ZNF718: variants seen among roughly 807,000 people sequenced by gnomAD.
ZNF718 encodes zinc finger protein 718.
In ZNF718, 3 loss-of-function variants were observed where a neutral mutation model predicts 2.6. That is an observed-to-expected ratio of 1.16 (90% CI 0.53 to 3.01). ZNF718 has a LOEUF of 3.01. Among genes scored for constraint, ZNF718 ranks in the 30% most tolerant of loss-of-function variants. The pLI is 0.03. For synonymous variants in ZNF718, 135 were observed against 77.9 expected (o/e 1.73, Z -3.86); for missense variants, 468 against 230.0 (o/e 2.03, Z -6.69).
In ZNF718 at chr4:130,826, TC is replaced by T; in HGVS notation, c.44del (p.Pro15GlnfsTer18). The T allele has an allele frequency of 2.5e-6, 1 of 395,288 alleles. No homozygotes were observed. Among genetic ancestry groups the T allele is most frequent in the South Asian group, 3.8e-5 (1 of 26,212 alleles). 24.5% of individuals were successfully genotyped at this position (395,288 alleles called of 1,614,324 possible). Reference protein sequence around the residue: ...TFKDVAIEFSPEEWKCLDTSQ... With the variant: ...TFKDVAIEFSXEEWKCLDTSQ... The stretch of plus-strand genomic sequence containing the variant: ...TCAAGGATGTGGCCATAGAATTCTC[TC>T]CAGAAGAGTGGAAATGTCTGGACAC... On this transcript the variant is annotated frameshift_variant, in exon 2 of 4. Coordinates refer to ENST00000510175, the MANE Select transcript of ZNF718 (RefSeq NM_001039127.6). LOFTEE classifies it high-confidence loss of function.
In ZNF718 at chr4:131,707, T is replaced by C. The variant is rs1715352613; in HGVS notation, c.226+202T>C. On this transcript the variant is annotated intron_variant, in intron 3 of 3. Coordinates refer to ENST00000510175, the MANE Select transcript of ZNF718 (RefSeq NM_001039127.6). ...AGCCAACATAGTGAAACCCCGTCTCTACTAAAAATACAAAAATTAGCCGGG... is the reference window on the plus strand; with the variant it reads ...AGCCAACATAGTGAAACCCCGTCTCCACTAAAAATACAAAAATTAGCCGGG... 1.9e-5 allele frequency among the ~76,000 whole-genome samples: 2 copies of C among 103,230 alleles called. 1 individual carries two copies. Among genetic ancestry groups the C allele is most frequent in the Non-Finnish European group, 4.3e-5 (2 of 46,368 alleles). The allele number at this position is 103,230 out of a possible 152,430, so 67.7% of individuals were successfully genotyped here.
rs1442603728 is a variant in ZNF718 at position 128,909 on chromosome 4, T to C, written c.4-1879T>C. On this transcript the variant is annotated intron_variant, in intron 1 of 3. Coordinates refer to ENST00000510175, the MANE Select transcript of ZNF718 (RefSeq NM_001039127.6). ...AATTGCTTCTATTTCATATGATCAT[T>C]AGAAAAAGACATAAAGCAGTCATGG... Among the ~76,000 whole-genome samples, 6 of 104,604 alleles carry C rather than the reference T, an allele frequency of 5.7e-5. 1 individual carries two copies. Among genetic ancestry groups the C allele is most frequent in the African/African-American group, 1.7e-4 (5 of 30,130 alleles). 68.6% of individuals were successfully genotyped at this position (104,604 alleles called of 152,430 possible). A position where few individuals can be genotyped will look rare whatever the true frequency, so the allele number is the denominator to read the frequency against.
intron 1 of ZNF718, chr4:125,005 C>T (rs1183758335): frequency 3.7e-6 from 1 of 273,916 alleles, no homozygotes; most frequent in Non-Finnish European, 7.1e-6. Context: ...TTACCCTGTT[C>T]AGAATGAGAT....
intron 3 of ZNF718, among the ~76,000 whole-genome samples, chr4:182,566 T>C (rs1398505059): frequency 6.6e-6 from 1 of 152,044 alleles, no homozygotes; most frequent in Non-Finnish European, 1.5e-5. Flanking sequence ...TCTGAGTAGC[T>C]GGGATCACAA....
At chr4:144,867 A>C (rs558119110) in intron 3 of ZNF718, among the ~76,000 whole-genome samples, 3 of 152,304 alleles carry the variant, frequency 2.0e-5, no homozygotes, top group African/African-American at 2.4e-5. Context: ...TAAATGTATG[A>C]GTTCTAATGG....
At chr4:144,183 G>C (rs1201243365) in intron 3 of ZNF718, among the ~76,000 whole-genome samples, 2 of 152,108 alleles carry the variant, frequency 1.3e-5, no homozygotes, top group African/African-American at 4.8e-5. Flanking sequence ...CCTATGCTCG[G>C]GCCCGCACTG....
Position 161,315 on chromosome 4 carries a change from G to A in ZNF718, c.630G>A (p.Trp210Ter), listed in dbSNP as rs1553815045. The A allele has an allele frequency of 1.3e-6, 1 of 780,902 alleles. No individual in the cohort carries two copies. Among genetic ancestry groups the A allele is most frequent in the African/African-American group, 1.7e-5 (1 of 59,014 alleles). The allele number at this position is 780,902 out of a possible 1,614,324, so 48.4% of individuals were successfully genotyped here. A position where few individuals can be genotyped will look rare whatever the true frequency, so the allele number is the denominator to read the frequency against. ...AAGAATGTGGCAAAGCCTTTAATTGGTCCTCAATTCTTACTAAACATAAGA... is the reference window on the plus strand; with the variant it reads ...AAGAATGTGGCAAAGCCTTTAATTGATCCTCAATTCTTACTAAACATAAGA... ...TCEECGKAFNWSSILTKHKRI... is the reference protein window; with the variant it reads ...TCEECGKAFN Residue 210 changes from tryptophan (W) to a stop codon, truncating the protein, a stop_gained, in exon 4 of 4, where the codon TGG becomes TGA. Transcript: ENST00000510175. LOFTEE classifies it low-confidence loss of function (END_TRUNC).
chr4:156,885 G>A (rs6830247), intron 3 of ZNF718, among the ~76,000 whole-genome samples: 29,939 of 151,954 alleles, frequency 0.2, 3,170 homozygotes, highest in Admixed American at 0.26. Context: ...TTCAGTAACA[G>A]TGCTGCAATA....
chr4:128,116 G>A (rs1392311745), intron 1 of ZNF718, among the ~76,000 whole-genome samples: 1 of 104,426 alleles, frequency 9.6e-6, no homozygotes, highest in African/African-American at 3.3e-5. Flanking sequence ...AGAATGTAGA[G>A]GCACATTGAT....
At chr4:171,736 G>A (rs568603999) in intron 3 of ZNF718, among the ~76,000 whole-genome samples, 16 of 152,286 alleles carry the variant, frequency 1.1e-4, no homozygotes, top group South Asian at 6.2e-4. Context: ...TCCAGGTGCC[G>A]TCTGTCATCC....
rs1417618493 is a variant in ZNF718, at chr4:127,820, A to G, written c.4-2968A>G. ...CACACCCAATAGCTTAACAATGTAT[A>G]TAACCAATCACTAACCAATGTTACT... On this transcript the variant is annotated intron_variant, in intron 1 of 3. Coordinates refer to ENST00000510175, the MANE Select transcript of ZNF718 (RefSeq NM_001039127.6). 1.9e-5 allele frequency among the ~76,000 whole-genome samples: 2 copies of G among 104,766 alleles called. 1 individual carries two copies. Among genetic ancestry groups the G allele is most frequent in the Non-Finnish European group, 4.3e-5 (2 of 46,810 alleles). The allele number at this position is 104,766 out of a possible 152,430, so 68.7% of individuals were successfully genotyped here.
At chr4:179,908 T>C (rs782211706) in intron 3 of ZNF718, among the ~76,000 whole-genome samples, 1 of 152,182 alleles carries the variant, frequency 6.6e-6, no homozygotes, top group Non-Finnish European at 1.5e-5. Context: ...AAATAAAACA[T>C]CATATATGTT....
At chr4:200,391 C>T (rs1378585975) in intron 3 of ZNF718, among the ~76,000 whole-genome samples, 10 of 152,152 alleles carry the variant, frequency 6.6e-5, no homozygotes, top group African/African-American at 2.4e-4. Flanking sequence ...GCCTCAGCCT[C>T]CCAAGTAGCT....
At chr4:201,440 T>C (rs1553822769) in intron 4 of ZNF718, 1 of 152,430 alleles carries the variant, frequency 6.6e-6, no homozygotes, top group African/African-American at 2.4e-5. Flanking sequence ...ATAGAGCACT[T>C]AATTTTCTTT....
At chr4:174,372 ATATCCTAAAACATGAAAGATTG>A (rs1444935695) in intron 3 of ZNF718, among the ~76,000 whole-genome samples, 2 of 152,180 alleles carry the variant, frequency 1.3e-5, no homozygotes, top group African/African-American at 4.8e-5. Context: ...AAATGTGAAT[ATATCCTAAAACATGAAAGATTG>A]TATAAATTGG....
At chr4:196,144 C>A (rs1287462351) in intron 3 of ZNF718, among the ~76,000 whole-genome samples, 6 of 152,164 alleles carry the variant, frequency 3.9e-5, no homozygotes, top group Non-Finnish European at 8.8e-5. Flanking sequence ...TGGGTTATCA[C>A]TTCTAAGGCC....
intron 3 of ZNF718, among the ~76,000 whole-genome samples, chr4:188,284 C>A (rs1201566739): frequency 6.6e-6 from 1 of 152,202 alleles, no homozygotes; most frequent in Non-Finnish European, 1.5e-5. Context: ...CTGGCCATAT[C>A]TTGGTAAAAC....
chr4:182,632 C>T (rs763506455), intron 3 of ZNF718, among the ~76,000 whole-genome samples: 1 of 151,986 alleles, frequency 6.6e-6, no homozygotes, highest in Non-Finnish European at 1.5e-5. Context: ...TGGGGTTTCA[C>T]CATGTGGCCA....
rs10005847 is a variant in ZNF718, at chr4:135,806, G to A, written c.226+4301G>A. Among the ~76,000 whole-genome samples, 12 of 125,156 alleles carry A rather than the reference G, an allele frequency of 9.6e-5. No individual in the cohort carries two copies. The South Asian group carries it at 1.3e-3, about 14-fold the overall frequency. 82.1% of individuals were successfully genotyped at this position (125,156 alleles called of 152,430 possible). A position where few individuals can be genotyped will look rare whatever the true frequency, so the allele number is the denominator to read the frequency against. On this transcript the variant is annotated intron_variant, in intron 3 of 3. Coordinates refer to ENST00000510175, the MANE Select transcript of ZNF718 (RefSeq NM_001039127.6). ...TTCTTTCCCAAAGCTGGAGAGCTTC[G>A]TTTTCCTTTTCCTTGCCTAATTGTT...
Sources: gnomAD v4.1 joint callset for allele counts (sites outside exome capture counted in the v4.1 genomes callset) on GRCh38, gnomAD v4.1.1 for gene constraint, MANE v1.5 for transcripts, NCBI Gene and HGNC (gene_info 2026-07-23, HGNC 2026-07-21) for gene names.